The following RFTN2 variants were observed in gnomAD, a reference collection of about 807,000 sequenced individuals.
The protein encoded by RFTN2 is raftlin-2.
A neutral mutation model predicts 52.7 loss-of-function variants in RFTN2; 34 were observed. The observed-to-expected ratio is 0.64, with a 90% CI of 0.49 to 0.86. The LOEUF is 0.86. Ranked by LOEUF, RFTN2 falls within the 40% of genes least tolerant of loss-of-function variation. The pLI is 0.00. For missense variants in RFTN2, 536 were observed against 600.1 expected, an observed-to-expected ratio of 0.89 and a Z score of 1.12; for synonymous variants, 203 against 217.7, an observed-to-expected ratio of 0.93 and a Z score of 0.59.
intron 8 of RFTN2, among the ~76,000 whole-genome samples, chr2:197,589,131 A>C (rs922438066): frequency 7.0e-6 from 1 of 142,342 alleles, no homozygotes; most frequent in Non-Finnish European, 1.5e-5. Flanking sequence ...TGAGGCAGGC[A>C]GAATTGCTTG....
chr2:197,632,575 T>G (rs918336535), intron 4 of RFTN2, among the ~76,000 whole-genome samples: 37 of 152,204 alleles, frequency 2.4e-4, no homozygotes, highest in African/African-American at 8.7e-4. Flanking sequence ...TCTAGGGTAT[T>G]TCTTTATTTG....
intron 8 of RFTN2, among the ~76,000 whole-genome samples, chr2:197,590,540 T>C (rs2087688720): frequency 6.6e-6 from 1 of 152,208 alleles, no homozygotes; most frequent in Non-Finnish European, 1.5e-5. Flanking sequence ...TTGTTGAACA[T>C]AATGTGTCCA....
intron 4 of RFTN2, among the ~76,000 whole-genome samples, chr2:197,632,774 AT>A (rs1027090273): frequency 9.3e-4 from 142 of 152,216 alleles, no homozygotes; most frequent in African/African-American, 2.9e-3. Context: ...GGCTAAATGA[AT>A]CTCTGCCATG....
intron 1 of RFTN2, among the ~76,000 whole-genome samples, chr2:197,664,740 G>A (rs147064660): frequency 0.012 from 1,817 of 152,198 alleles, 33 homozygotes; most frequent in African/African-American, 0.041. Context: ...ATCCATGATT[G>A]TGCCACTGCA....
intron 8 of RFTN2, among the ~76,000 whole-genome samples, chr2:197,584,758 T>G (rs924554157): frequency 2.6e-5 from 4 of 152,110 alleles, no homozygotes; most frequent in Non-Finnish European, 5.9e-5. Flanking sequence ...CCATTGAACT[T>G]TTACATGGAC....
intron 5 of RFTN2, among the ~76,000 whole-genome samples, chr2:197,630,697 C>T (rs2088454754): frequency 6.6e-6 from 1 of 152,124 alleles, no homozygotes; most frequent in Non-Finnish European, 1.5e-5. Context: ...CATCATAAAC[C>T]TCCCGTTTGG....
At chr2:197,622,537 C>T (rs969645060) in intron 5 of RFTN2, among the ~76,000 whole-genome samples, 7 of 152,150 alleles carry the variant, frequency 4.6e-5, no homozygotes, top group African/African-American at 1.4e-4. Context: ...AACTCCTGAC[C>T]TCAAATGATC....
intron 7 of RFTN2, among the ~76,000 whole-genome samples, chr2:197,602,994 G>A (rs1318965707): frequency 4.6e-5 from 7 of 152,186 alleles, no homozygotes; most frequent in Non-Finnish European, 1.0e-4. Context: ...AACATAGCAT[G>A]TTCTCACTCA....
chr2:197,587,508 A>T (rs2087620540), intron 8 of RFTN2, among the ~76,000 whole-genome samples: 1 of 151,422 alleles, frequency 6.6e-6, no homozygotes, highest in Admixed American at 6.6e-5. Flanking sequence ...AAGTTCCCCC[A>T]CTGAGCACCT....
chr2:197,575,978 TC>T (rs540940975), intron 8 of RFTN2, among the ~76,000 whole-genome samples: 69 of 150,374 alleles, frequency 4.6e-4, no homozygotes, highest in African/African-American at 1.6e-3. Flanking sequence ...CTTGTGATGT[TC>T]AGACTCCTGA....
At chr2:197,631,772 A>G (rs1334661934) in intron 4 of RFTN2, among the ~76,000 whole-genome samples, 1 of 152,244 alleles carries the variant, frequency 6.6e-6, no homozygotes, top group East Asian at 1.9e-4. Context: ...ACCCTAGAAC[A>G]GACATGGAAA....
chr2:197,611,425 A>G (rs1306271747), intron 7 of RFTN2, among the ~76,000 whole-genome samples: 1 of 151,998 alleles, frequency 6.6e-6, no homozygotes, highest in Non-Finnish European at 1.5e-5. Flanking sequence ...ATTCTCTGAT[A>G]GTAGTTTGTA....
rs759806281 is a variant in RFTN2, at chr2:197,631,235, G to C, written c.719-15C>G. The C allele has an allele frequency of 1.9e-6, 3 of 1,547,348 alleles. No individual in the cohort carries two copies. The highest frequency in any genetic ancestry group is 2.6e-6 in the Non-Finnish European group (3 of 1,132,446). ...GTTATCTGAGGCTAGGCATTCAGAAGGAGAAAAAAGGGGAAAATTATAATT... is the reference window on the plus strand; with the variant it reads ...GTTATCTGAGGCTAGGCATTCAGAACGAGAAAAAAGGGGAAAATTATAATT... On this transcript the variant is annotated splice_polypyrimidine_tract_variant and intron_variant, in intron 4 of 8. Coordinates refer to ENST00000295049, the MANE Select transcript of RFTN2 (RefSeq NM_144629.3).
At chr2:197,611,319 C>T (rs1169365729) in intron 7 of RFTN2, among the ~76,000 whole-genome samples, 2 of 152,212 alleles carry the variant, frequency 1.3e-5, no homozygotes, top group Non-Finnish European at 1.5e-5. Flanking sequence ...AGAGATTCAA[C>T]TTCTTCCTGG....
chr2:197,590,633 C>T (rs995821949), intron 8 of RFTN2, among the ~76,000 whole-genome samples: 2 of 152,150 alleles, frequency 1.3e-5, no homozygotes, highest in Non-Finnish European at 2.9e-5. Context: ...TTAAAGGCGG[C>T]GTGTCCGGAG....
chr2:197,607,743 T>A (rs890492235), intron 7 of RFTN2, among the ~76,000 whole-genome samples: 1 of 152,180 alleles, frequency 6.6e-6, no homozygotes, highest in Non-Finnish European at 1.5e-5. Context: ...ATGTGCTTAG[T>A]CACAAAGTTC....
chr2:197,575,692 G>A (rs1007888909), intron 8 of RFTN2, among the ~76,000 whole-genome samples: 3 of 144,456 alleles, frequency 2.1e-5, no homozygotes, highest in Admixed American at 7.1e-5. Flanking sequence ...TTGGGCCTGG[G>A]AGTTCAAGGC....
intron 3 of RFTN2, among the ~76,000 whole-genome samples, chr2:197,636,185 T>C (rs1348099113): frequency 6.6e-6 from 1 of 151,712 alleles, no homozygotes. Context: ...TGCCTCCAGC[T>C]TTGTTCTTTT....
At chr2:197,626,502 T>C (rs2088361219) in intron 5 of RFTN2, among the ~76,000 whole-genome samples, 1 of 149,652 alleles carries the variant, frequency 6.7e-6, no homozygotes, top group Non-Finnish European at 1.5e-5. Flanking sequence ...AGTTCAAGGC[T>C]ACAGTGAACT....
Sources: allele counts gnomAD v4.1 joint callset (sites outside exome capture counted in the v4.1 genomes callset), GRCh38; gene constraint gnomAD v4.1.1; transcripts MANE v1.5; gene names NCBI Gene and HGNC (gene_info 2026-07-23, HGNC 2026-07-21).